NBN: variants seen among roughly 807,000 people sequenced by gnomAD.
The protein encoded by NBN is nibrin, also known as Nijmegen breakage syndrome 1 (nibrin).
In NBN, 88 loss-of-function variants were observed where a neutral mutation model predicts 90.8. That is an observed-to-expected ratio of 0.97 (90% confidence interval 0.82 to 1.16). The LOEUF is 1.16. Among genes scored for constraint, NBN ranks in the 50% most tolerant of loss-of-function variants. The pLI, the probability that NBN is intolerant of heterozygous loss-of-function variation, is 0.00. For synonymous variants in NBN, 328 were observed against 295.1 expected, an observed-to-expected ratio of 1.11 and a Z score of -1.14; for missense variants, 894 against 869.6, an observed-to-expected ratio of 1.03 and a Z score of -0.35.
At chr8:89,936,067 A>G in intron 15 of NBN, 1 of 383,162 alleles carries the variant, frequency 2.6e-6, no homozygotes, top group African/African-American at 2.2e-5. Context: ...CTAATGAAAA[A>G]CCAGTATTGT....
intron 8 of NBN, among the ~76,000 whole-genome samples, chr8:89,962,893 T>A (rs1811057770): frequency 6.6e-6 from 1 of 152,178 alleles, no homozygotes; most frequent in Non-Finnish European, 1.5e-5. Flanking sequence ...CGTCACACAT[T>A]AAAATATAAG....
chr8:89,960,112 T>A (rs918874881), intron 8 of NBN, among the ~76,000 whole-genome samples: 2 of 152,170 alleles, frequency 1.3e-5, no homozygotes, highest in African/African-American at 2.4e-5. Context: ...CTGAAAAAAA[T>A]TTTAAGTTGA....
At chr8:89,971,359 G>GTCAGATAGTC in intron 5 of NBN, 69 bp from the exon 6 acceptor site, 2 of 1,505,728 alleles carry the variant, frequency 1.3e-6, no homozygotes, top group Non-Finnish European at 1.8e-6. Flanking sequence ...TAAACGGAGT[G>GTCAGATAGTC]ACTATCTGAC....
chr8:89,946,235 AT>A lies in NBN; in HGVS notation c.1974del (p.Glu658AspfsTer6), dbSNP rs1057516668. On this transcript the variant is annotated frameshift_variant, in exon 13 of 16. Transcript: ENST00000265433. LOFTEE classifies it high-confidence loss of function. The part of the protein sequence containing the change: ...EMLPKKLLLT[E>X]FRSLVIKNST... Reference sequence around the variant, plus strand: ...GAGTTTTTAATCACCAGTGATCTAAATTCAGTCAATAACAGCTTTTTTGGAA... The same window carrying A: ...GAGTTTTTAATCACCAGTGATCTAAATCAGTCAATAACAGCTTTTTTGGAA... 1 of 1,588,980 alleles carries A rather than the reference AT, an allele frequency of 6.3e-7. No homozygotes were observed. Among genetic ancestry groups the A allele is most frequent in the Non-Finnish European group, 8.6e-7 (1 of 1,157,460 alleles).
chr8:89,955,875 TTC>T (rs1810691032), intron 9 of NBN, among the ~76,000 whole-genome samples: 1 of 152,034 alleles, frequency 6.6e-6, no homozygotes, highest in Admixed American at 6.6e-5. Context: ...CCTAGGCAAT[TTC>T]TGTTTTGTTT....
intron 1 of NBN, 101 bp from the exon 2 acceptor site, chr8:89,982,956 A>G: frequency 4.1e-6 from 5 of 1,222,982 alleles, no homozygotes; most frequent in South Asian, 3.9e-5. Flanking sequence ...AGGTATGACA[A>G]ATATTAAATA....
intron 12 of NBN, 160 bp from the exon 13 acceptor site, chr8:89,946,455 G>C: frequency 1.5e-6 from 1 of 653,350 alleles, no homozygotes; most frequent in East Asian, 2.8e-5. Flanking sequence ...TCAAATTGTA[G>C]CTAATTCAAG....
intron 8 of NBN, among the ~76,000 whole-genome samples, chr8:89,961,044 T>C (rs1179520612): frequency 1.3e-5 from 2 of 152,220 alleles, no homozygotes; most frequent in African/African-American, 2.4e-5. Flanking sequence ...TTTGTTTCTG[T>C]AGGAAATAAT....
At chr8:89,952,969 A>T (rs149151592) in intron 11 of NBN, among the ~76,000 whole-genome samples, 194 of 152,294 alleles carry the variant, frequency 1.3e-3, no homozygotes, top group African/African-American at 4.6e-3. Flanking sequence ...TACACTTATC[A>T]TCATAGCCAA....
At chr8:89,979,269 G>A (rs1035442014) in intron 4 of NBN, among the ~76,000 whole-genome samples, 1 of 152,174 alleles carries the variant, frequency 6.6e-6, no homozygotes, top group Non-Finnish European at 1.5e-5. Context: ...GCAAGCCACT[G>A]CACCCAGCCA....
rs1811450946 is a variant in NBN at position 89,970,385 on chromosome 8, G to A, written c.875C>T (p.Ser292Leu). Reference sequence around the variant, plus strand: ...ATACCTTTGGAGCATATCCATTATTGACTGAATCCATTTCTTCTGACAGTC... The same window carrying A: ...ATACCTTTGGAGCATATCCATTATTAACTGAATCCATTTCTTCTGACAGTC... ...IPDCQKKWIQ[S>L]IMDMLQRQGL... is the part of the protein sequence containing the mutation. The change falls in exon 7 of 16, where the codon TCA (serine) becomes TTA (leucine). Residue 292 changes from serine (S) to leucine (L), a missense_variant. Physicochemically the swap from Ser to Leu is moderately radical, Grantham distance 145. Coordinates refer to ENST00000265433, the MANE Select transcript of NBN (RefSeq NM_002485.5). 6.2e-7 allele frequency: 1 copy of A among 1,612,020 alleles called. No homozygotes were observed. The highest frequency in any genetic ancestry group is 1.1e-5 in the South Asian group (1 of 91,008).
intron 15 of NBN, chr8:89,936,141 G>C: frequency 3.0e-6 from 1 of 336,710 alleles, no homozygotes; most frequent in South Asian, 2.2e-5. Flanking sequence ...GCAGTGGCGC[G>C]ATCTTGGCTC....
rs752104183 is a variant in NBN, at chr8:89,971,244, C to G, written c.631G>C (p.Asp211His). The G allele has an allele frequency of 6.2e-7, 1 of 1,613,174 alleles. No homozygotes were observed. Among genetic ancestry groups the G allele is most frequent in the South Asian group, 1.1e-5 (1 of 91,062 alleles). ...TTTCTTTCCTGCCGTCCTGACAGAT[C>G]AACATTTTTACTTCCAATAGATGGT... ...DEPSIGSKNV[D>H]LSGRQERKQI... is the part of the protein sequence containing the mutation. The change falls in exon 6 of 16, where the codon GAT becomes CAT. Residue 211 changes from aspartate to histidine, a missense_variant. By Grantham distance (81) the Asp-to-His change is moderately conservative. Transcript: ENST00000265433.
At position 89,934,642 on chromosome 8, in the gene NBN, A is replaced by G. The variant is rs1334324603; in HGVS notation, c.*940T>C. The G allele has an allele frequency of 6.9e-5, 16 of 233,018 alleles. No homozygotes were observed. Among genetic ancestry groups the G allele is most frequent in the Non-Finnish European group, 1.0e-4 (12 of 117,924 alleles). The allele number at this position is 233,018 out of a possible 1,614,324, so 14.4% of individuals were successfully genotyped here. A position where few individuals can be genotyped will look rare whatever the true frequency, so the allele number is the denominator to read the frequency against. ...CCATTTCTCATTCTCTAAACAACTA[A>G]TCAGTTGTAGTGACTCTTGACTGGA... On this transcript the variant is annotated 3_prime_UTR_variant, in exon 16 of 16. Coordinates refer to ENST00000265433, the MANE Select transcript of NBN (RefSeq NM_002485.5).
intron 10 of NBN, 99 bp downstream of exon 10, chr8:89,955,184 T>C (rs1810638094): frequency 8.4e-7 from 1 of 1,196,540 alleles, no homozygotes; most frequent in South Asian, 1.3e-5. Flanking sequence ...AGCAGAAGCA[T>C]ACTTAATCAG....
intron 11 of NBN, 152 bp from the exon 12 acceptor site, chr8:89,948,044 T>C (rs551033852): frequency 5.9e-6 from 3 of 508,312 alleles, no homozygotes; most frequent in East Asian, 6.0e-5. Context: ...GGCATTTGGC[T>C]TTCAACTGTC....
intron 11 of NBN, among the ~76,000 whole-genome samples, chr8:89,952,262 T>G (rs1260679461): frequency 6.6e-6 from 1 of 152,198 alleles, no homozygotes; most frequent in Non-Finnish European, 1.5e-5. Context: ...ATGAGGGAAC[T>G]TATCCTGGGA....
intron 5 of NBN, among the ~76,000 whole-genome samples, 190 bp from the exon 6 acceptor site, chr8:89,971,480 G>A (rs1206458696): frequency 2.0e-5 from 3 of 151,992 alleles, no homozygotes; most frequent in African/African-American, 7.3e-5. Flanking sequence ...GAAATATGGT[G>A]GCAGGTGACA....
chr8:89,971,195 A>G lies in NBN; in HGVS notation c.680T>C (p.Phe227Ser), dbSNP rs749025721. ...TACCTGTTTGGCATTCAAAAATATAAATGTTTTCCCTTTGAAGATTTGTTT... is the reference window on the plus strand; with the variant it reads ...TACCTGTTTGGCATTCAAAAATATAGATGTTTTCCCTTTGAAGATTTGTTT... Reference protein sequence around the residue: ...ERKQIFKGKTFIFLNAKQHKK... With the variant: ...ERKQIFKGKTSIFLNAKQHKK... The change falls in exon 6 of 16, where the codon TTT becomes TCT. Residue 227 changes from phenylalanine to serine, a missense_variant. Phe to Ser is a radical substitution (Grantham distance 155). Coordinates refer to ENST00000265433, the MANE Select transcript of NBN (RefSeq NM_002485.5). 1 of 1,612,982 alleles carries G rather than the reference A, an allele frequency of 6.2e-7. No individual in the cohort carries two copies. The highest frequency in any genetic ancestry group is 8.5e-7 in the Non-Finnish European group (1 of 1,179,352).
Sources: gnomAD v4.1 joint callset for allele counts (sites outside exome capture counted in the v4.1 genomes callset) on GRCh38, gnomAD v4.1.1 for gene constraint, MANE v1.5 for transcripts, NCBI Gene and HGNC (gene_info 2026-07-23, HGNC 2026-07-21) for gene names.